PHF21B: variants seen among roughly 807,000 people sequenced by gnomAD.
The protein encoded by PHF21B is PHD finger protein 4.
In PHF21B, 22 loss-of-function variants were observed where a neutral mutation model predicts 62.2. That is an observed-to-expected ratio of 0.35 (90% CI 0.25 to 0.51). The LOEUF is 0.51. Ranked by LOEUF, PHF21B falls within the 20% of genes least tolerant of loss-of-function variation. The pLI, the probability that PHF21B is intolerant of heterozygous loss-of-function variation, is 0.97. For missense variants in PHF21B, 701 were observed against 707.9 expected, an observed-to-expected ratio of 0.99 and a Z score of 0.11; for synonymous variants, 341 against 314.7, an observed-to-expected ratio of 1.08 and a Z score of -0.88.
chr22:44,952,258 G>A (rs986576456), intron 2 of PHF21B, among the ~76,000 whole-genome samples: 7 of 152,168 alleles, frequency 4.6e-5, no homozygotes, highest in African/African-American at 9.7e-5. Flanking sequence ...CAGGAGAATC[G>A]CTTGAACTCG....
rs1328485880 is a variant in PHF21B at position 44,881,485 on chromosome 22, C to T, written c.*1601G>A. On this transcript the variant is annotated 3_prime_UTR_variant, in exon 13 of 13. Coordinates refer to ENST00000313237, the MANE Select transcript of PHF21B (RefSeq NM_138415.5). Reference sequence around the variant, plus strand: ...GAGTAGCCAATATAGAAGACGTGTGCCTCACACGGTTCACTTTGTTCATCA... The same window carrying T: ...GAGTAGCCAATATAGAAGACGTGTGTCTCACACGGTTCACTTTGTTCATCA... 6.6e-6 allele frequency: 1 copy of T among 152,648 alleles called. No individual in the cohort carries two copies. The highest frequency in any genetic ancestry group is 1.5e-5 in the Non-Finnish European group (1 of 68,046). 9.5% of individuals were successfully genotyped at this position (152,648 alleles called of 1,614,324 possible).
chr22:44,964,436 T>C (rs1192946152), intron 2 of PHF21B, among the ~76,000 whole-genome samples: 1 of 152,162 alleles, frequency 6.6e-6, no homozygotes, highest in Non-Finnish European at 1.5e-5. Flanking sequence ...GCCCGGCCAT[T>C]TGGCAACCCT....
intron 2 of PHF21B, among the ~76,000 whole-genome samples, chr22:44,964,306 G>C (rs2072481408): frequency 6.6e-6 from 1 of 152,182 alleles, no homozygotes; most frequent in African/African-American, 2.4e-5. Flanking sequence ...TCAACAGTGA[G>C]GCCACTCTTC....
chr22:44,941,570 CGTT>C (rs1569242635), intron 2 of PHF21B, among the ~76,000 whole-genome samples: 3 of 152,344 alleles, frequency 2.0e-5, no homozygotes, highest in Non-Finnish European at 2.9e-5. Flanking sequence ...GTTCCTCTGA[CGTT>C]GTGGTGGGCA....
intron 2 of PHF21B, among the ~76,000 whole-genome samples, chr22:44,958,357 T>C (rs551938666): frequency 6.6e-6 from 1 of 152,302 alleles, no homozygotes. Flanking sequence ...GTGTGGACCT[T>C]TTCCTGTTAG....
At chr22:44,990,186 G>A (rs2073020511) in intron 2 of PHF21B, among the ~76,000 whole-genome samples, 1 of 152,328 alleles carries the variant, frequency 6.6e-6, no homozygotes, top group South Asian at 2.1e-4. Context: ...AGGTTTGATG[G>A]AACACGGTCA....
rs184905695 is a variant in PHF21B at position 44,927,850 on chromosome 22, G to A, written c.121-7360C>T. Reference sequence around the variant, plus strand: ...CAGCCGCACTTACTTCAAGATCAATGAGCTTGTGACTACGTTTACAGCTCC... The same window carrying A: ...CAGCCGCACTTACTTCAAGATCAATAAGCTTGTGACTACGTTTACAGCTCC... On this transcript the variant is annotated intron_variant, in intron 2 of 12. Coordinates refer to ENST00000313237, the MANE Select transcript of PHF21B (RefSeq NM_138415.5). 2.5e-3 allele frequency among the ~76,000 whole-genome samples: 377 copies of A among 152,268 alleles called. 2 individuals carry two copies. Among genetic ancestry groups the A allele is most frequent in the African/African-American group, 8.3e-3 (346 of 41,558 alleles).
At chr22:44,970,505 A>G (rs1390589006) in intron 2 of PHF21B, among the ~76,000 whole-genome samples, 7 of 152,164 alleles carry the variant, frequency 4.6e-5, no homozygotes. Context: ...GTGGCTCCCC[A>G]GGGTCTCCCC....
At chr22:44,933,621 G>C in intron 2 of PHF21B, 1 of 801,494 alleles carries the variant, frequency 1.2e-6, no homozygotes, top group Non-Finnish European at 1.5e-6. Context: ...GCGTTAAGTG[G>C]GGTGGGGGAG....
intron 5 of PHF21B, among the ~76,000 whole-genome samples, chr22:44,906,817 C>T (rs917034565): frequency 6.6e-6 from 1 of 152,226 alleles, no homozygotes; most frequent in Non-Finnish European, 1.5e-5. Flanking sequence ...GAAGGGGAAG[C>T]ACAGTCAACC....
At chr22:44,901,037 A>G (rs1016792942) in intron 5 of PHF21B, among the ~76,000 whole-genome samples, 6 of 152,242 alleles carry the variant, frequency 3.9e-5, no homozygotes, top group Non-Finnish European at 8.8e-5. Flanking sequence ...GTCAAACTCA[A>G]TCCTGTGAGA....
chr22:44,926,494 G>A (rs1470933607), intron 2 of PHF21B, among the ~76,000 whole-genome samples: 1 of 152,088 alleles, frequency 6.6e-6, no homozygotes, highest in Non-Finnish European at 1.5e-5. Flanking sequence ...GAGGAGGTGT[G>A]GGCTGGCCCT....
chr22:44,936,545 C>T (rs559968277), intron 2 of PHF21B, among the ~76,000 whole-genome samples: 5 of 152,286 alleles, frequency 3.3e-5, no homozygotes, highest in African/African-American at 9.6e-5. Context: ...CTGGTGAGCC[C>T]TTGCAAGTGG....
intron 2 of PHF21B, among the ~76,000 whole-genome samples, chr22:44,930,634 A>G (rs2071723085): frequency 6.6e-6 from 1 of 152,192 alleles, no homozygotes; most frequent in Non-Finnish European, 1.5e-5. Context: ...TACAGCTCCC[A>G]AAGGTGGACA....
intron 2 of PHF21B, among the ~76,000 whole-genome samples, chr22:44,956,311 G>C (rs948050646): frequency 2.6e-5 from 4 of 152,186 alleles, no homozygotes; most frequent in African/African-American, 4.8e-5. Context: ...CAGTCTATGA[G>C]GCAGAGGCCC....
chr22:44,982,575 C>G (rs2072862940), intron 2 of PHF21B, among the ~76,000 whole-genome samples: 1 of 152,216 alleles, frequency 6.6e-6, no homozygotes, highest in African/African-American at 2.4e-5. Context: ...CCCATGGGCT[C>G]ACATCTCGCA....
intron 10 of PHF21B, 78 bp from the exon 11 acceptor site, chr22:44,886,016 C>A: frequency 1.4e-6 from 2 of 1,399,556 alleles, no homozygotes; most frequent in Non-Finnish European, 2.0e-6. Context: ...GGCTGTGTAA[C>A]CCTGAGGGGG....
chr22:44,945,803 G>A (rs1039588897), intron 2 of PHF21B, among the ~76,000 whole-genome samples: 2 of 151,988 alleles, frequency 1.3e-5, no homozygotes, highest in Non-Finnish European at 1.5e-5. Context: ...CTGAACCTGA[G>A]TCTGGGGCTC....
intron 5 of PHF21B, 21 bp downstream of exon 5, chr22:44,913,801 C>T (rs1211973710): frequency 3.7e-6 from 6 of 1,605,054 alleles, no homozygotes; most frequent in Non-Finnish European, 4.3e-6. Context: ...GGCCTGGGCC[C>T]TCCGGAGAGG....
Sources: allele counts gnomAD v4.1 joint callset (sites outside exome capture counted in the v4.1 genomes callset), GRCh38; gene constraint gnomAD v4.1.1; transcripts MANE v1.5; gene names NCBI Gene and HGNC (gene_info 2026-07-23, HGNC 2026-07-21).